GLIS3: variants seen among roughly 807,000 people sequenced by gnomAD.
GLIS3 encodes zinc finger protein GLIS3.
In GLIS3, 53 loss-of-function variants were observed where a neutral mutation model predicts 78.6. The ratio of observed to expected loss-of-function variants is 0.67; its 90% CI spans 0.54 to 0.85. The LOEUF (loss-of-function observed/expected upper bound fraction) is 0.85. Among genes scored for constraint, GLIS3 ranks in the 40% least tolerant of loss-of-function variants. The pLI is 0.00. For synonymous variants in GLIS3, 684 were observed against 509.9 expected (o/e 1.34, Z -4.60); for missense variants, 1,703 against 1,231.1 (o/e 1.38, Z -5.74).
chr9:4,449,066 C>A, the GLIS3 span, among the ~76,000 whole-genome samples: 1 of 152,126 alleles, frequency 6.6e-6, no homozygotes, highest in Admixed American at 6.6e-5. Flanking sequence ...CTTTCCTAGC[C>A]AAGGGAAGCT....
intron 2 of GLIS3, among the ~76,000 whole-genome samples, chr9:4,280,598 A>C (rs943811792): frequency 2.6e-5 from 4 of 152,230 alleles, no homozygotes; most frequent in Admixed American, 2.0e-4. Flanking sequence ...GCGTCAAAGA[A>C]TGAATTGTAT....
chr9:4,465,594 C>T, the GLIS3 span, among the ~76,000 whole-genome samples: 410 of 152,244 alleles, frequency 2.7e-3, 4 homozygotes, highest in African/African-American at 8.8e-3. Flanking sequence ...ATTCTTGTAA[C>T]TGGATTTATT....
intron 2 of GLIS3, among the ~76,000 whole-genome samples, chr9:4,141,162 T>G (rs549286507): frequency 3.2e-4 from 48 of 152,252 alleles, no homozygotes; most frequent in African/African-American, 1.1e-3. Context: ...TTCCAGGTGC[T>G]CTGAAGGTGG....
intron 4 of GLIS3, among the ~76,000 whole-genome samples, chr9:4,076,119 CTATT>C (rs1255880303): frequency 2.6e-5 from 4 of 152,170 alleles, no homozygotes; most frequent in East Asian, 3.8e-4. Context: ...TATTTACACT[CTATT>C]TAATGTAAAT....
intron 4 of GLIS3, among the ~76,000 whole-genome samples, chr9:3,937,913 T>A (rs1344649898): frequency 6.6e-6 from 1 of 152,224 alleles, no homozygotes; most frequent in African/African-American, 2.4e-5. Flanking sequence ...CATTATCTAA[T>A]TCATGAGGAA....
the GLIS3 span, among the ~76,000 whole-genome samples, chr9:4,421,719 G>C: frequency 6.6e-6 from 1 of 152,222 alleles, no homozygotes; most frequent in Non-Finnish European, 1.5e-5. Context: ...AATAGTGTTA[G>C]ACACAGAAAA....
At chr9:4,468,850 TA>T in the GLIS3 span, among the ~76,000 whole-genome samples, 1 of 152,112 alleles carries the variant, frequency 6.6e-6, no homozygotes, top group African/African-American at 2.4e-5. Context: ...GCAAATTGGA[TA>T]AAGAGTCAAG....
At chr9:3,903,162 A>G (rs894228111) in intron 6 of GLIS3, among the ~76,000 whole-genome samples, 29 of 152,354 alleles carry the variant, frequency 1.9e-4, no homozygotes, top group African/African-American at 7.0e-4. Context: ...CATTAAGCCC[A>G]GGGCCATAAA....
At chr9:4,187,427 C>T (rs1400383894) in intron 2 of GLIS3, among the ~76,000 whole-genome samples, 4 of 152,134 alleles carry the variant, frequency 2.6e-5, no homozygotes, top group South Asian at 2.1e-4. Context: ...AGTCAGGTAG[C>T]ATGATGCCTC....
At chr9:4,026,391 C>A (rs1823350977) in intron 4 of GLIS3, among the ~76,000 whole-genome samples, 1 of 152,192 alleles carries the variant, frequency 6.6e-6, no homozygotes, top group African/African-American at 2.4e-5. Flanking sequence ...CATGAAGCAA[C>A]AATGCCTACA....
At chr9:4,338,129 C>A (rs1342147184) in intron 2 of GLIS3, among the ~76,000 whole-genome samples, 2 of 151,924 alleles carry the variant, frequency 1.3e-5, no homozygotes, top group Non-Finnish European at 2.9e-5. Flanking sequence ...AGTCAGGACA[C>A]CTGATTCTAA....
chr9:4,410,880 G>A, the GLIS3 span, among the ~76,000 whole-genome samples: 15 of 152,272 alleles, frequency 9.9e-5, no homozygotes, highest in Middle Eastern at 3.4e-3. Flanking sequence ...CCACCAGGAA[G>A]GTCAATGCAG....
At chr9:4,281,352 T>C (rs1429818428) in intron 2 of GLIS3, among the ~76,000 whole-genome samples, 1 of 151,298 alleles carries the variant, frequency 6.6e-6, no homozygotes, top group African/African-American at 2.4e-5. Flanking sequence ...ACATTCACAT[T>C]ATTGTGCAAC....
intron 4 of GLIS3, among the ~76,000 whole-genome samples, chr9:4,005,843 A>G (rs867747745): frequency 6.6e-6 from 1 of 152,216 alleles, no homozygotes; most frequent in Non-Finnish European, 1.5e-5. Context: ...GAGAATGAAA[A>G]AACATTTGTT....
upstream of GLIS3, among the ~76,000 whole-genome samples, chr9:4,348,658 T>A (rs1817925513): frequency 6.6e-6 from 1 of 152,194 alleles, no homozygotes; most frequent in Non-Finnish European, 1.5e-5. Flanking sequence ...CTCAACTACC[T>A]GACTTTCTCC....
At position 4,046,769 on chromosome 9, in the gene GLIS3, A is replaced by C. The variant is rs945847279; in HGVS notation, c.1710+70999T>G. The stretch of plus-strand genomic sequence containing the variant: ...AATTGTATTATATGAAGAATGGCTG[A>C]ATGAACTAGGCATGTTTACTTGGCA... On this transcript the variant is annotated intron_variant, in intron 4 of 10. Coordinates refer to ENST00000381971, the MANE Select transcript of GLIS3 (RefSeq NM_001042413.2). Among the ~76,000 whole-genome samples the C allele has an allele frequency of 4.6e-5, 7 of 152,208 alleles. No individual in the cohort carries two copies. In the South Asian group the frequency reaches 6.2e-4, roughly 13 times the overall value.
intron 2 of GLIS3, among the ~76,000 whole-genome samples, chr9:4,142,641 T>G (rs556607319): frequency 1.3e-5 from 2 of 152,174 alleles, no homozygotes; most frequent in African/African-American, 4.8e-5. Context: ...AAATCCAGTT[T>G]GAAATAAAAT....
the GLIS3 span, among the ~76,000 whole-genome samples, chr9:4,488,737 C>G: frequency 1.3e-5 from 2 of 152,078 alleles, no homozygotes; most frequent in Non-Finnish European, 2.9e-5. Context: ...AGGCTGGTCT[C>G]GAACTCTTGA....
At chr9:3,949,260 C>T (rs1007826963) in intron 4 of GLIS3, among the ~76,000 whole-genome samples, 2 of 152,204 alleles carry the variant, frequency 1.3e-5, no homozygotes, top group Non-Finnish European at 2.9e-5. Flanking sequence ...TCATTCTCAT[C>T]AAAATCTGAG....
Sources: gnomAD v4.1 joint callset for allele counts (sites outside exome capture counted in the v4.1 genomes callset) on GRCh38, gnomAD v4.1.1 for gene constraint, MANE v1.5 for transcripts, NCBI Gene and HGNC (gene_info 2026-07-23, HGNC 2026-07-21) for gene names.